The following ADSS2 variants were observed in gnomAD, a reference collection of about 807,000 sequenced individuals.
The protein encoded by ADSS2 is adenylosuccinate synthase 2.
Under a neutral mutation model 60.0 loss-of-function variants are expected in ADSS2, and 30 were observed. The observed-to-expected ratio is 0.50, with a 90% CI of 0.37 to 0.68. The LOEUF is 0.68. Ranked by LOEUF, ADSS2 falls within the 30% of genes least tolerant of loss-of-function variation. The pLI is 0.00. For synonymous variants in ADSS2, 187 were observed against 193.1 expected, an observed-to-expected ratio of 0.97 and a Z score of 0.26; for missense variants, 373 against 554.8, an observed-to-expected ratio of 0.67 and a Z score of 3.29.
intron 1 of ADSS2, among the ~76,000 whole-genome samples, chr1:244,449,241 TTTTTAAAACTATA>T (rs1665473066): frequency 6.6e-6 from 1 of 152,234 alleles, no homozygotes; most frequent in Admixed American, 6.5e-5. Flanking sequence ...CCAGTTTTTC[TTTTTAAAACTATA>T]TTTTATGTTG....
intron 4 of ADSS2, among the ~76,000 whole-genome samples, chr1:244,431,848 G>A (rs1477720554): frequency 6.6e-6 from 1 of 152,184 alleles, no homozygotes; most frequent in Non-Finnish European, 1.5e-5. Context: ...TTCTGTGCTT[G>A]GCTGAGAAAT....
Position 244,437,687 on chromosome 1 carries a change from G to T in ADSS2, c.265C>A (p.Pro89Thr), listed in dbSNP as rs779980359. Reference sequence around the variant, plus strand: ...TTACCAATGAATGCAGTGACATTTGGATTAATTATTCCACTGGGTAAGAGA... The same window carrying T: ...TTACCAATGAATGCAGTGACATTTGTATTAATTATTCCACTGGGTAAGAGA... The part of the protein sequence containing the change: ...FHLLPSGIIN[P>T]NVTAFIGNGV... The change falls in exon 2 of 13, where the codon CCA (proline) becomes ACA (threonine). Residue 89 changes from proline to threonine, a missense_variant. By Grantham distance (38) the Pro-to-Thr change is conservative (BLOSUM62 -1). Around this residue, in one of 5 missense-constraint regions of ADSS2, gnomAD observed 139 missense variants for 189.4 expected, o/e 0.73. Transcript: ENST00000366535. 3.1e-6 allele frequency: 5 copies of T among 1,593,764 alleles called. No individual in the cohort carries two copies. The highest frequency in any genetic ancestry group is 3.4e-6 in the Non-Finnish European group (4 of 1,162,376).
intron 4 of ADSS2, among the ~76,000 whole-genome samples, chr1:244,425,091 C>G (rs923423069): frequency 2.6e-5 from 4 of 152,152 alleles, no homozygotes; most frequent in Non-Finnish European, 4.4e-5. Context: ...ATAACTTGTA[C>G]TCCCTCTCTC....
rs558695594 is a variant in ADSS2 at position 244,441,026 on chromosome 1, T to C, written c.184-3258A>G. Among the ~76,000 whole-genome samples, 3 of 152,138 alleles carry C rather than the reference T, an allele frequency of 2.0e-5. 1 individual carries two copies. The highest frequency in any genetic ancestry group is 7.2e-5 in the African/African-American group (3 of 41,516). ...TGATAGAATCCTAGGACATATATTA[T>C]ACACCAAAAGAACATTAATTATCTT... is the stretch of plus-strand genomic sequence containing the variant. On this transcript the variant is annotated intron_variant, in intron 1 of 12. Transcript: ENST00000366535.
intron 1 of ADSS2, among the ~76,000 whole-genome samples, chr1:244,441,896 C>G (rs927753292): frequency 6.6e-6 from 1 of 152,220 alleles, no homozygotes; most frequent in East Asian, 1.9e-4. Flanking sequence ...GCGGAGCTTG[C>G]AGTGAGCCGA....
intron 12 of ADSS2, among the ~76,000 whole-genome samples, chr1:244,410,314 C>T (rs946756299): frequency 1.3e-5 from 2 of 152,150 alleles, no homozygotes; most frequent in African/African-American, 4.8e-5. Flanking sequence ...ACACGGAGGA[C>T]ACATCCCACA....
upstream of ADSS2, chr1:244,451,929 G>A (rs1401014957): frequency 8.5e-6 from 10 of 1,172,616 alleles, no homozygotes; most frequent in Non-Finnish European, 1.1e-5. This position sits in a 1 kb window ranked among gnomAD's most constrained non-coding sequence, Gnocchi z 6.6. Flanking sequence ...GCCAGAGGCC[G>A]GCCCCGCCCC....
intron 5 of ADSS2, 113 bp from the exon 6 acceptor site, chr1:244,424,173 C>T (rs993854619): frequency 7.6e-6 from 9 of 1,187,444 alleles, no homozygotes; most frequent in Non-Finnish European, 1.1e-5. Flanking sequence ...TATGTTATTT[C>T]TTGCTAAGTA....
chr1:244,426,040 T>C (rs1664796000), intron 4 of ADSS2, among the ~76,000 whole-genome samples: 1 of 152,158 alleles, frequency 6.6e-6, no homozygotes, highest in South Asian at 2.1e-4. Flanking sequence ...AAATACTCTT[T>C]ATGTAAACAA....
intron 4 of ADSS2, among the ~76,000 whole-genome samples, chr1:244,429,889 TAATAA>T (rs947804235): frequency 7.9e-5 from 12 of 151,846 alleles, no homozygotes; most frequent in Non-Finnish European, 1.6e-4. Context: ...CTCAAAAAAA[TAATAA>T]AATAAAATAA....
intron 11 of ADSS2, among the ~76,000 whole-genome samples, chr1:244,414,813 G>T (rs1275792624): frequency 6.6e-6 from 1 of 152,222 alleles, no homozygotes; most frequent in East Asian, 1.9e-4. Flanking sequence ...TTGAGGAACA[G>T]CTCTTATTTC....
At chr1:244,412,004 C>A (rs143096606) in intron 11 of ADSS2, among the ~76,000 whole-genome samples, 100 of 152,302 alleles carry the variant, frequency 6.6e-4, no homozygotes, top group African/African-American at 2.4e-3. Context: ...TCTCTCAAGA[C>A]TGAGAGCTGT....
At chr1:244,409,726 C>A in intron 12 of ADSS2, 88 bp from the exon 13 acceptor site, 1 of 1,018,468 alleles carries the variant, frequency 9.8e-7, no homozygotes. Flanking sequence ...CCCTACTTTT[C>A]TCAGTATCAC....
At chr1:244,410,750 A>G (rs2147983876) in intron 12 of ADSS2, among the ~76,000 whole-genome samples, 1 of 152,328 alleles carries the variant, frequency 6.6e-6, no homozygotes, top group African/African-American at 2.4e-5. Flanking sequence ...AATTAAAGAC[A>G]GGGTCAGAAA....
intron 5 of ADSS2, 108 bp downstream of exon 5, chr1:244,424,213 A>T: frequency 1.6e-6 from 2 of 1,268,046 alleles, no homozygotes; most frequent in Non-Finnish European, 2.2e-6. Flanking sequence ...ATTTTCTCTA[A>T]AACAGGATAT....
chr1:244,410,948 G>A (rs1664398198), intron 12 of ADSS2, among the ~76,000 whole-genome samples: 1 of 152,128 alleles, frequency 6.6e-6, no homozygotes, highest in Non-Finnish European at 1.5e-5. Flanking sequence ...ACAGTTGGCC[G>A]GGCATGCTGG....
intron 1 of ADSS2, among the ~76,000 whole-genome samples, chr1:244,444,880 T>C (rs1348204376): frequency 6.6e-6 from 1 of 152,168 alleles, no homozygotes; most frequent in Non-Finnish European, 1.5e-5. Flanking sequence ...TCATACCTTA[T>C]TTTCCTATAC....
intron 4 of ADSS2, among the ~76,000 whole-genome samples, chr1:244,430,058 G>C (rs1664900955): frequency 6.6e-6 from 1 of 151,844 alleles, no homozygotes; most frequent in African/African-American, 2.4e-5. Flanking sequence ...TCTTCTACAG[G>C]CTCAGTCCTC....
chr1:244,423,021 C>T, intron 6 of ADSS2, 105 bp from the exon 7 acceptor site: 1 of 678,098 alleles, frequency 1.5e-6, no homozygotes, highest in Non-Finnish European at 2.4e-6. Context: ...ATCTTAACAG[C>T]AAATTAATCC....
Sources: gnomAD v4.1 joint callset for allele counts (sites outside exome capture counted in the v4.1 genomes callset) on GRCh38, gnomAD v4.1.1 for gene constraint, gnomAD v4.1.1 regional missense constraint, Gnocchi (gnomAD v3.1) non-coding constraint, MANE v1.5 for transcripts, NCBI Gene and HGNC (gene_info 2026-07-23, HGNC 2026-07-21) for gene names.